TMEM223: variants seen among roughly 807,000 people sequenced by gnomAD.
TMEM223 encodes the protein transmembrane protein 223.
Under a neutral mutation model 14.1 loss-of-function variants are expected in TMEM223, and 14 were observed. The ratio of observed to expected loss-of-function variants is 0.99; its 90% CI spans 0.66 to 1.55. The LOEUF (loss-of-function observed/expected upper bound fraction) is 1.55, where lower values mean the gene tolerates loss of function less well. Among genes scored for constraint, TMEM223 ranks in the 40% most tolerant of loss-of-function variants. The pLI is 0.00. For synonymous variants in TMEM223, 145 were observed against 120.5 expected (o/e 1.20, Z -1.33); for missense variants, 346 against 269.9 (o/e 1.28, Z -1.97).
rs1385369032 is a variant in TMEM223 at position 62,791,758 on chromosome 11, C to T, written c.237G>A (p.Ala79=). 7 of 1,565,030 alleles carry T rather than the reference C, an allele frequency of 4.5e-6. No individual in the cohort carries two copies. The South Asian group carries it at 4.7e-5, about 11-fold the overall frequency. Residue 79 remains alanine (A), a synonymous_variant, in exon 1 of 2, where the codon GCG becomes GCA. Transcript: ENST00000307366. ...CGAAGGGGCCACGATTTGGGACCTC[C>T]GCATCCAGAGGCTGCACCGGAACCG... is the stretch of plus-strand genomic sequence containing the variant. ...RPPVPVQPLD[A]EVPNRGPFDL...
At chr11:62,786,771 C>G, downstream of TMEM223, 2 of 1,612,526 alleles carry the variant, frequency 1.2e-6, no homozygotes, top group South Asian at 1.1e-5. Flanking sequence ...ACGCCTTCTT[C>G]GGTGACAGCT....
downstream of TMEM223, chr11:62,786,871 G>A (rs772719837): frequency 6.3e-7 from 1 of 1,581,560 alleles, no homozygotes; most frequent in South Asian, 1.1e-5. Flanking sequence ...CCCGGACTCG[G>A]TGCGGAAGAT....
intron 1 of TMEM223, chr11:62,776,415 G>A (rs767610980): frequency 6.2e-7 from 1 of 1,613,642 alleles, no homozygotes; most frequent in Non-Finnish European, 8.5e-7. Context: ...CACACCAAAC[G>A]CCGGAAGCTG....
chr11:62,787,735 C>T, downstream of TMEM223: 2 of 689,840 alleles, frequency 2.9e-6, no homozygotes, highest in Admixed American at 2.6e-5. Flanking sequence ...AAGTTGTCCC[C>T]TCGCCAAAGG....
chr11:62,775,894 A>G (rs2134701884), intron 1 of TMEM223: 1 of 1,613,910 alleles, frequency 6.2e-7, no homozygotes. Context: ...CGCTGCTCGC[A>G]GAGGACGTGT....
downstream of TMEM223, among the ~76,000 whole-genome samples, chr11:62,785,345 C>G (rs1447588911): frequency 6.6e-6 from 1 of 151,694 alleles, no homozygotes; most frequent in Admixed American, 6.6e-5. Flanking sequence ...GCGCTCACCA[C>G]CATACCTGGC....
At chr11:62,773,722 A>G (rs184560951) in intron 2 of TMEM223, among the ~76,000 whole-genome samples, 19 of 152,330 alleles carry the variant, frequency 1.2e-4, no homozygotes, top group African/African-American at 3.8e-4. Flanking sequence ...TGCTGGGATT[A>G]GAGGCGTGAG....
Position 62,790,905 on chromosome 11 carries a change from T to G in TMEM223, c.327A>C (p.Val109=), listed in dbSNP as rs759607761. Residue 109 remains valine, a synonymous_variant, in exon 2 of 2, where the codon GTA becomes GTC. Coordinates refer to ENST00000307366, the MANE Select transcript of TMEM223 (RefSeq NM_001080501.3). Reference sequence around the variant, plus strand: ...GAGAGAAGAGAAGACCAGCACCGAGTACGAGGGCTCCTGCAGGCAGGGCAG... The same window carrying G: ...GAGAGAAGAGAAGACCAGCACCGAGGACGAGGGCTCCTGCAGGCAGGGCAG... ...AVGCGAIGAL[V]LGAGLLFSLR... The G allele has an allele frequency of 4.4e-6, 7 of 1,578,646 alleles. No individual in the cohort carries two copies. Among genetic ancestry groups the G allele is most frequent in the Non-Finnish European group, 6.0e-6 (7 of 1,157,892 alleles).
chr11:62,791,669 C>T lies in TMEM223; in HGVS notation c.316+10G>A. 1 of 1,522,060 alleles carries T rather than the reference C, an allele frequency of 6.6e-7. No individual in the cohort carries two copies. The highest frequency in any genetic ancestry group is 8.8e-7 in the Non-Finnish European group (1 of 1,134,668). The allele number at this position is 1,522,060 out of a possible 1,614,324, so 94.3% of individuals were successfully genotyped here. ...ACGTTGTCACAGTGGGAAGCCAGCC[C>T]ACGTCTTACCGATGGCGCCGCAGCC... On this transcript the variant is annotated intron_variant, in intron 1 of 1. Transcript: ENST00000307366.
chr11:62,789,117 A>C (rs374520032), downstream of TMEM223: 1 of 1,613,966 alleles, frequency 6.2e-7, no homozygotes, highest in African/African-American at 1.3e-5. Flanking sequence ...TCCCTGTGCT[A>C]CTTTGTAGCT....
chr11:62,781,873 A>T, intron 1 of TMEM223: 1 of 1,611,928 alleles, frequency 6.2e-7, no homozygotes, highest in Non-Finnish European at 8.5e-7. Flanking sequence ...GATCCAATGC[A>T]GTCTGGGCCC....
At chr11:62,787,689 G>T, downstream of TMEM223, 1 of 898,904 alleles carries the variant, frequency 1.1e-6, no homozygotes, top group Admixed American at 2.8e-5. Context: ...GAGGCTAATC[G>T]CGCTTTGTGG....
intron 1 of TMEM223, chr11:62,774,790 A>G: frequency 2.9e-6 from 1 of 349,832 alleles, no homozygotes; most frequent in South Asian, 2.1e-5. Flanking sequence ...TTCTACTAAA[A>G]ATACAAAAAT....
chr11:62,783,374 C>T (rs1453052943), downstream of TMEM223, among the ~76,000 whole-genome samples: 3 of 151,418 alleles, frequency 2.0e-5, no homozygotes, highest in Non-Finnish European at 2.9e-5. Flanking sequence ...CCCAGCTACT[C>T]GGGAGGCTGA....
At chr11:62,771,972 G>A in exon 3 of TMEM223, 1 of 387,160 alleles carries the variant, frequency 2.6e-6, no homozygotes, top group Non-Finnish European at 5.1e-6. Context: ...TGGGATCCAG[G>A]CCTTGTTCCC....
chr11:62,787,972 T>C (rs756634722), downstream of TMEM223: 2 of 469,786 alleles, frequency 4.3e-6, no homozygotes, highest in South Asian at 3.1e-5. Context: ...AAATGAGAGA[T>C]GGAGAAAACG....
At chr11:62,787,658 G>C (rs553382497), downstream of TMEM223, 1 of 1,199,044 alleles carries the variant, frequency 8.3e-7, no homozygotes, top group African/African-American at 1.5e-5. Context: ...GGCTGGCGCC[G>C]GCCTGTACCT....
At chr11:62,785,538 CTT>C (rs1205888751), downstream of TMEM223, among the ~76,000 whole-genome samples, 14 of 136,346 alleles carry the variant, frequency 1.0e-4, no homozygotes, top group African/African-American at 8.1e-5. Flanking sequence ...ATAGTTAATT[CTT>C]TTTTTTTTTT....
intron 1 of TMEM223, chr11:62,778,343 G>A (rs1385859332): frequency 1.2e-6 from 2 of 1,614,056 alleles, no homozygotes; most frequent in Middle Eastern, 1.6e-4. Context: ...CGGGTAAGGG[G>A]TGATGTAGGA....
Sources: gnomAD v4.1 joint callset for allele counts (sites outside exome capture counted in the v4.1 genomes callset) on GRCh38, gnomAD v4.1.1 for gene constraint, MANE v1.5 for transcripts, NCBI Gene and HGNC (gene_info 2026-07-23, HGNC 2026-07-21) for gene names.